The following GLIS3 variants were observed in gnomAD, a reference collection of about 807,000 sequenced individuals.
The protein encoded by GLIS3 is GLIS family zinc finger 3.
GLIS3 carries 53 observed loss-of-function variants against 78.6 expected under a neutral mutation model. That is an observed-to-expected ratio of 0.67 (90% confidence interval 0.54 to 0.85). The LOEUF is 0.85. GLIS3 is among the 40% of genes least tolerant of loss of function. The pLI, the probability that GLIS3 is intolerant of heterozygous loss-of-function variation, is 0.00. For synonymous variants in GLIS3, 684 were observed against 509.9 expected, an observed-to-expected ratio of 1.34 and a Z score of -4.60; for missense variants, 1,703 against 1,231.1, an observed-to-expected ratio of 1.38 and a Z score of -5.74.
At chr9:4,234,166 T>C (rs1336203718) in intron 2 of GLIS3, among the ~76,000 whole-genome samples, 1 of 152,214 alleles carries the variant, frequency 6.6e-6, no homozygotes, top group Middle Eastern at 3.2e-3. Context: ...CTTGTGTTCA[T>C]GGGAGGAGCA....
At chr9:4,472,325 C>G in the GLIS3 span, among the ~76,000 whole-genome samples, 1,168 of 152,232 alleles carry the variant, frequency 7.7e-3, 14 homozygotes, top group African/African-American at 0.027. Flanking sequence ...TATTGTGGCA[C>G]TATTCACAAT....
At chr9:4,408,447 A>T in the GLIS3 span, among the ~76,000 whole-genome samples, 11 of 150,658 alleles carry the variant, frequency 7.3e-5, no homozygotes, top group African/African-American at 2.4e-4. Context: ...AAAAAAAAAT[A>T]GGCCGGGCAC....
At chr9:4,201,857 C>G (rs926751355) in intron 2 of GLIS3, among the ~76,000 whole-genome samples, 1 of 152,094 alleles carries the variant, frequency 6.6e-6, no homozygotes, top group African/African-American at 2.4e-5. Context: ...CACATGAAGC[C>G]AGGCATGGTA....
the GLIS3 span, among the ~76,000 whole-genome samples, chr9:4,482,827 C>T: frequency 6.6e-6 from 1 of 152,058 alleles, no homozygotes; most frequent in Admixed American, 6.5e-5. Context: ...ACCAGAATCA[C>T]TTAAGTCTTT....
chr9:4,417,057 G>C, the GLIS3 span, among the ~76,000 whole-genome samples: 4 of 151,986 alleles, frequency 2.6e-5, no homozygotes, highest in Non-Finnish European at 5.9e-5. Flanking sequence ...TTTGTAAAAC[G>C]TCACATGAGT....
At chr9:4,187,270 T>G (rs1166614960) in intron 2 of GLIS3, among the ~76,000 whole-genome samples, 1 of 152,218 alleles carries the variant, frequency 6.6e-6, no homozygotes, top group Non-Finnish European at 1.5e-5. Context: ...CCCCATTGCT[T>G]GTTTTTCTCA....
the GLIS3 span, among the ~76,000 whole-genome samples, chr9:4,440,329 T>A: frequency 1.3e-5 from 2 of 152,232 alleles, no homozygotes; most frequent in African/African-American, 4.8e-5. Context: ...TTTGGGGTCT[T>A]AGACTTAAGT....
chr9:4,312,629 C>G (rs1817382628), intron 2 of GLIS3, among the ~76,000 whole-genome samples: 1 of 152,210 alleles, frequency 6.6e-6, no homozygotes, highest in South Asian at 2.1e-4. Flanking sequence ...CACTTGCATT[C>G]CTTGTCTTCC....
intron 1 of GLIS3, among the ~76,000 whole-genome samples, chr9:4,347,497 A>G (rs7020067): frequency 0.96 from 145,436 of 152,280 alleles, 69,776 homozygotes; most frequent in East Asian, 1. Context: ...GCAGATTCCT[A>G]CACCCACTCC....
the GLIS3 span, among the ~76,000 whole-genome samples, chr9:4,454,717 T>C: frequency 6.6e-6 from 1 of 152,214 alleles, no homozygotes; most frequent in Non-Finnish European, 1.5e-5. Flanking sequence ...TTCTGGTCTA[T>C]GGGTTTGATG....
chr9:4,100,741 G>GA (rs964695563), intron 4 of GLIS3, among the ~76,000 whole-genome samples: 1 of 152,026 alleles, frequency 6.6e-6, no homozygotes, highest in Non-Finnish European at 1.5e-5. Flanking sequence ...GGGGACAAAG[G>GA]AAAAAAACTA....
chr9:4,427,258 T>TATATCACGTG, the GLIS3 span, among the ~76,000 whole-genome samples: 1 of 152,200 alleles, frequency 6.6e-6, no homozygotes, highest in Non-Finnish European at 1.5e-5. Context: ...ACAGAATTTT[T>TATATCACGTG]ATATCATCGT....
intron 4 of GLIS3, among the ~76,000 whole-genome samples, chr9:3,989,993 A>C (rs680397): frequency 6.6e-6 from 1 of 152,028 alleles, no homozygotes; most frequent in African/African-American, 2.4e-5. Flanking sequence ...GGGAAACTAG[A>C]TAAAGTGTAC....
At chr9:4,314,138 T>G (rs935259195) in intron 2 of GLIS3, among the ~76,000 whole-genome samples, 1 of 152,224 alleles carries the variant, frequency 6.6e-6, no homozygotes, top group Non-Finnish European at 1.5e-5. Context: ...GGAATAGTAA[T>G]AGTACTTATC....
At chr9:4,192,805 A>G (rs1204874121) in intron 2 of GLIS3, among the ~76,000 whole-genome samples, 1 of 78,586 alleles carries the variant, frequency 1.3e-5, no homozygotes, top group Non-Finnish European at 3.2e-5. Context: ...CTAATACAAT[A>G]TTTAAAAAAA....
At chr9:3,979,438 C>T (rs963380639) in intron 4 of GLIS3, among the ~76,000 whole-genome samples, 10 of 152,210 alleles carry the variant, frequency 6.6e-5, no homozygotes, top group African/African-American at 1.4e-4. Context: ...GCACACGCTT[C>T]GAGCGAAGAC....
intron 2 of GLIS3, among the ~76,000 whole-genome samples, chr9:4,327,850 C>T (rs957001637): frequency 6.6e-6 from 1 of 152,188 alleles, no homozygotes; most frequent in Admixed American, 6.5e-5. Flanking sequence ...CTGAAGGTTG[C>T]GATCAGTGAC....
chr9:4,200,657 A>G (rs1216416794), intron 2 of GLIS3, among the ~76,000 whole-genome samples: 1 of 152,314 alleles, frequency 6.6e-6, no homozygotes, highest in East Asian at 1.9e-4. Context: ...AAATTGAATC[A>G]GAAAAAAACA....
At chr9:4,295,497 T>G (rs1816400398) in intron 1 of GLIS3, among the ~76,000 whole-genome samples, 1 of 152,164 alleles carries the variant, frequency 6.6e-6, no homozygotes, top group Non-Finnish European at 1.5e-5. Context: ...GTTGTTGTGT[T>G]GAGCGAAAGA....
Sources: allele counts gnomAD v4.1 joint callset (sites outside exome capture counted in the v4.1 genomes callset), GRCh38; gene constraint gnomAD v4.1.1; transcripts MANE v1.5; gene names NCBI Gene and HGNC (gene_info 2026-07-23, HGNC 2026-07-21).